The following SYT2 variants were observed in gnomAD, a reference collection of about 807,000 sequenced individuals.
SYT2 encodes synaptotagmin 2.
Under a neutral mutation model 39.9 loss-of-function variants are expected in SYT2, and 15 were observed. That is an observed-to-expected ratio of 0.38 (90% CI 0.25 to 0.58). The LOEUF (loss-of-function observed/expected upper bound fraction) is 0.58. SYT2 is among the 20% of genes least tolerant of loss of function. The pLI is 0.70. For missense variants in SYT2, 389 were observed against 530.3 expected, an observed-to-expected ratio of 0.73 and a Z score of 2.62; for synonymous variants, 181 against 204.5, an observed-to-expected ratio of 0.89 and a Z score of 0.98.
At chr1:202,663,805 C>T (rs1301857609) in intron 1 of SYT2, among the ~76,000 whole-genome samples, 1 of 152,156 alleles carries the variant, frequency 6.6e-6, no homozygotes, top group African/African-American at 2.4e-5. Context: ...TCTGGATGCA[C>T]TCGCTGTGCC....
intron 1 of SYT2, among the ~76,000 whole-genome samples, chr1:202,705,986 C>T (rs1228391603): frequency 6.6e-6 from 1 of 152,144 alleles, no homozygotes; most frequent in Non-Finnish European, 1.5e-5. Flanking sequence ...AGCCACTGCA[C>T]CTGGCCTGGG....
At position 202,592,787 on chromosome 1, in the gene SYT2, GGA is replaced by G. The variant is rs1690170793; in HGVS notation, c.*3968_*3969del. On this transcript the variant is annotated 3_prime_UTR_variant, in exon 9 of 9. Coordinates refer to ENST00000367268, the MANE Select transcript of SYT2 (RefSeq NM_177402.5). Reference sequence around the variant, plus strand: ...GGTTCCTGGCCCCTTGGGACCAAAGGGAGAGGGGGAAAAGTCATAGGGTAGGG... The same window carrying G: ...GGTTCCTGGCCCCTTGGGACCAAAGGGAGGGGGAAAAGTCATAGGGTAGGG... 1 of 152,308 alleles carries G rather than the reference GGA, an allele frequency of 6.6e-6. No homozygotes were observed. The highest frequency in any genetic ancestry group is 2.4e-5 in the African/African-American group (1 of 41,570). 9.4% of individuals were successfully genotyped at this position (152,308 alleles called of 1,614,324 possible). A position where few individuals can be genotyped will look rare whatever the true frequency, so the allele number is the denominator to read the frequency against.
At chr1:202,685,738 A>C (rs1171758938) in intron 1 of SYT2, among the ~76,000 whole-genome samples, 2 of 152,166 alleles carry the variant, frequency 1.3e-5, no homozygotes, top group Non-Finnish European at 2.9e-5. Flanking sequence ...TCCACACTGA[A>C]GCATATTTCA....
intron 1 of SYT2, among the ~76,000 whole-genome samples, chr1:202,610,944 G>A (rs956519630): frequency 2.6e-5 from 4 of 152,066 alleles, no homozygotes; most frequent in African/African-American, 9.7e-5. Context: ...AGCTACCAAT[G>A]ACTTTCTTCA....
intron 1 of SYT2, among the ~76,000 whole-genome samples, chr1:202,696,407 C>G (rs978823210): frequency 2.0e-5 from 3 of 152,202 alleles, no homozygotes; most frequent in Admixed American, 1.3e-4. Flanking sequence ...TGTTCCCCAC[C>G]CTGCTAAGCC....
At chr1:202,704,367 T>C (rs1305985343) in intron 1 of SYT2, among the ~76,000 whole-genome samples, 1 of 152,292 alleles carries the variant, frequency 6.6e-6, no homozygotes. Flanking sequence ...AGTTCTCCTT[T>C]ACATCCCAGG....
intron 1 of SYT2, among the ~76,000 whole-genome samples, chr1:202,707,033 T>C (rs1173766516): frequency 6.6e-6 from 1 of 152,230 alleles, no homozygotes; most frequent in Non-Finnish European, 1.5e-5. Context: ...TATGTAATTA[T>C]CTAATTGTGT....
intron 1 of SYT2, chr1:202,632,066 AG>A (rs1434421090): frequency 1.0e-6 from 1 of 985,256 alleles, no homozygotes; most frequent in Non-Finnish European, 1.2e-6. Context: ...GAAGGGGCTG[AG>A]GTGGGGTAAG....
Position 202,651,786 on chromosome 1 carries a change from C to T in SYT2, c.-17-45997G>A, listed in dbSNP as rs189531197. Reference sequence around the variant, plus strand: ...TTAAATAAGTCACACAGAGGGCAGGCGTGGTGGCTCACGCCTGTAATCCCA... The same window carrying T: ...TTAAATAAGTCACACAGAGGGCAGGTGTGGTGGCTCACGCCTGTAATCCCA... On this transcript the variant is annotated intron_variant, in intron 1 of 8. Transcript: ENST00000367268. 2.7e-4 allele frequency among the ~76,000 whole-genome samples: 41 copies of T among 152,306 alleles called. 1 individual carries two copies. The highest frequency in any genetic ancestry group is 1.7e-3 in the Admixed American group (26 of 15,310).
At chr1:202,605,956 C>G (rs955418725) in intron 1 of SYT2, among the ~76,000 whole-genome samples, 167 bp from the exon 2 acceptor site, 3 of 152,072 alleles carry the variant, frequency 2.0e-5, no homozygotes, top group African/African-American at 7.2e-5. Context: ...AATTAGTACA[C>G]AGTCAGCCTG....
At chr1:202,611,146 CT>C (rs1256143350) in intron 1 of SYT2, among the ~76,000 whole-genome samples, 2 of 152,156 alleles carry the variant, frequency 1.3e-5, no homozygotes, top group African/African-American at 4.8e-5. Context: ...TGTAGCATAT[CT>C]TTTCATGTGC....
At chr1:202,617,428 C>G (rs899613714) in intron 1 of SYT2, among the ~76,000 whole-genome samples, 18 of 152,234 alleles carry the variant, frequency 1.2e-4, no homozygotes, top group Admixed American at 9.8e-4. Flanking sequence ...TGCTGGCTCC[C>G]TCTTCACCTC....
At chr1:202,654,764 A>G (rs1452698195) in intron 1 of SYT2, among the ~76,000 whole-genome samples, 1 of 152,146 alleles carries the variant, frequency 6.6e-6, no homozygotes, top group African/African-American at 2.4e-5. Context: ...TCCTGGAGGA[A>G]GTGGCCCTTG....
chr1:202,648,266 C>T (rs187143131), intron 1 of SYT2, among the ~76,000 whole-genome samples: 247 of 150,792 alleles, frequency 1.6e-3, no homozygotes, highest in African/African-American at 5.5e-3. Flanking sequence ...CCGCAACCTC[C>T]GCCTCCCAGG....
intron 1 of SYT2, chr1:202,636,461 G>A: frequency 4.5e-6 from 4 of 898,844 alleles, no homozygotes; most frequent in Admixed American, 6.2e-5. Flanking sequence ...TTTGATCCCA[G>A]GACATCTTGG....
chr1:202,644,676 G>A (rs778752337), intron 1 of SYT2, among the ~76,000 whole-genome samples: 9 of 152,058 alleles, frequency 5.9e-5, no homozygotes, highest in Non-Finnish European at 1.2e-4. Flanking sequence ...CCCAGGAAGT[G>A]ACATTCCTCA....
chr1:202,703,322 C>T (rs564316785), intron 1 of SYT2, among the ~76,000 whole-genome samples: 2 of 151,644 alleles, frequency 1.3e-5, no homozygotes, highest in East Asian at 3.9e-4. Context: ...CTCAGCCCTG[C>T]AATACCACAA....
intron 1 of SYT2, among the ~76,000 whole-genome samples, chr1:202,619,309 C>T (rs781334925): frequency 5.9e-5 from 9 of 152,156 alleles, no homozygotes; most frequent in Admixed American, 1.3e-4. Context: ...CAGAATCACC[C>T]GAGCAGGAAA....
At chr1:202,669,728 G>A (rs1204247762) in intron 1 of SYT2, among the ~76,000 whole-genome samples, 3 of 150,756 alleles carry the variant, frequency 2.0e-5, no homozygotes, top group East Asian at 1.9e-4. Flanking sequence ...ACTGAACTCC[G>A]GCTTGGATGA....
Sources: allele counts gnomAD v4.1 joint callset (sites outside exome capture counted in the v4.1 genomes callset), GRCh38; gene constraint gnomAD v4.1.1; transcripts MANE v1.5; gene names NCBI Gene and HGNC (gene_info 2026-07-23, HGNC 2026-07-21).